The following SAMD12 variants were observed in gnomAD, a reference collection of about 807,000 sequenced individuals.
SAMD12 encodes sterile alpha motif domain-containing protein 12.
In SAMD12, 9 loss-of-function variants were observed where a neutral mutation model predicts 15.0. The observed-to-expected ratio is 0.60, with a 90% confidence interval of 0.36 to 1.05. SAMD12 has a LOEUF of 1.05. SAMD12 is among the 50% of genes least tolerant of loss of function. The pLI, the probability that SAMD12 is intolerant of heterozygous loss-of-function variation, is 0.01. For missense variants in SAMD12, 230 were observed against 234.2 expected (o/e 0.98, Z 0.12); for synonymous variants, 86 against 90.1 (o/e 0.96, Z 0.25).
At chr8:118,189,004 C>T (rs571775788), downstream of SAMD12, among the ~76,000 whole-genome samples, 19 of 152,074 alleles carry the variant, frequency 1.2e-4, no homozygotes, top group Non-Finnish European at 2.1e-4. Flanking sequence ...GCAGGAGGTG[C>T]TGGGAAATAC....
At chr8:118,153,922 C>T in the SAMD12 span, among the ~76,000 whole-genome samples, 1 of 152,108 alleles carries the variant, frequency 6.6e-6, no homozygotes, top group South Asian at 2.1e-4. Flanking sequence ...CTTTACTCTA[C>T]ATCTGAAATG....
chr8:118,251,198 G>T (rs1812812267), intron 4 of SAMD12, among the ~76,000 whole-genome samples: 1 of 152,072 alleles, frequency 6.6e-6, no homozygotes, highest in South Asian at 2.1e-4. Context: ...TGAGGGAAGT[G>T]ATCTATGATT....
intron 4 of SAMD12, among the ~76,000 whole-genome samples, chr8:118,299,347 A>G (rs1814895625): frequency 6.6e-6 from 1 of 152,164 alleles, no homozygotes; most frequent in Non-Finnish European, 1.5e-5. Context: ...AGATTCAGCA[A>G]AAGTAGTACT....
At chr8:118,178,689 C>T in the SAMD12 span, among the ~76,000 whole-genome samples, 1 of 152,132 alleles carries the variant, frequency 6.6e-6, no homozygotes, top group Non-Finnish European at 1.5e-5. Flanking sequence ...TGGTCTTGAA[C>T]TCTTGACCTC....
chr8:118,165,068 C>T, the SAMD12 span, among the ~76,000 whole-genome samples: 1 of 151,686 alleles, frequency 6.6e-6, no homozygotes, highest in Non-Finnish European at 1.5e-5. Flanking sequence ...ACTCAATTCT[C>T]ATGCTATCTG....
chr8:118,276,226 A>G (rs1227245640), intron 4 of SAMD12, among the ~76,000 whole-genome samples: 1 of 152,132 alleles, frequency 6.6e-6, no homozygotes, highest in East Asian at 1.9e-4. Context: ...ATTTCCTACT[A>G]TATTTTAGAA....
At chr8:118,155,616 A>G in the SAMD12 span, among the ~76,000 whole-genome samples, 1 of 152,236 alleles carries the variant, frequency 6.6e-6, no homozygotes, top group Non-Finnish European at 1.5e-5. Context: ...GGAGAACGCT[A>G]GGGTGCTCCT....
At position 118,341,764 on chromosome 8, in the gene SAMD12, C is replaced by T. The variant is rs369720258; in HGVS notation, c.433+37796G>A. On this transcript the variant is annotated intron_variant, in intron 4 of 4. Coordinates refer to the SAMD12 transcript ENST00000409003. ...GATTAGTGTTTTGACATATCAATTT[C>T]GGGAGGGCACAAACAGGCAGTATAT... Among the ~76,000 whole-genome samples, 38 of 152,262 alleles carry T rather than the reference C, an allele frequency of 2.5e-4. No individual in the cohort carries two copies. In the East Asian group the frequency reaches 3.7e-3, roughly 15 times the overall value.
At chr8:118,402,044 A>G (rs1294334519) in intron 3 of SAMD12, among the ~76,000 whole-genome samples, 1 of 152,194 alleles carries the variant, frequency 6.6e-6, no homozygotes, top group Non-Finnish European at 1.5e-5. Context: ...GTCTTTCCAT[A>G]AGAAAAAGGC....
intron 2 of SAMD12, among the ~76,000 whole-genome samples, chr8:118,479,404 G>C (rs569618100): frequency 8.5e-5 from 13 of 152,312 alleles, no homozygotes; most frequent in Admixed American, 8.5e-4. Flanking sequence ...AAGGTGAAAG[G>C]CACCTCTTAC....
chr8:118,507,658 A>T (rs1824957343), intron 2 of SAMD12, among the ~76,000 whole-genome samples: 1 of 152,238 alleles, frequency 6.6e-6, no homozygotes, highest in Non-Finnish European at 1.5e-5. Flanking sequence ...GTGAAAAACA[A>T]CCTAAACTTA....
the SAMD12 span, among the ~76,000 whole-genome samples, chr8:118,158,772 A>T: frequency 1.3e-5 from 2 of 152,116 alleles, no homozygotes; most frequent in Admixed American, 6.5e-5. Context: ...CACCAGACTC[A>T]GCCAGACTAG....
At chr8:118,386,881 T>C (rs1260537411) in intron 3 of SAMD12, among the ~76,000 whole-genome samples, 1 of 152,250 alleles carries the variant, frequency 6.6e-6, no homozygotes, top group Non-Finnish European at 1.5e-5. Context: ...GACCCTGTCC[T>C]ATTGGGAAAT....
intron 4 of SAMD12, among the ~76,000 whole-genome samples, chr8:118,318,310 G>GTATATATATATATA (rs55959055): frequency 8.8e-6 from 1 of 113,336 alleles, no homozygotes; most frequent in African/African-American, 3.3e-5. Context: ...AGATATATGT[G>GTATATATATATATA]TATATATATA....
At chr8:118,182,743 T>C in the SAMD12 span, among the ~76,000 whole-genome samples, 1 of 152,012 alleles carries the variant, frequency 6.6e-6, no homozygotes, top group Non-Finnish European at 1.5e-5. Flanking sequence ...AGTAACACAT[T>C]GAACAAAAAA....
At chr8:118,497,733 T>TG (rs1563895289) in intron 2 of SAMD12, among the ~76,000 whole-genome samples, 2 of 26,278 alleles carry the variant, frequency 7.6e-5, no homozygotes, top group Non-Finnish European at 1.5e-4. Context: ...CGGGGGGGGG[T>TG]GGGGGGAAAG....
At chr8:118,565,754 A>C (rs546939897) in intron 2 of SAMD12, among the ~76,000 whole-genome samples, 3 of 152,208 alleles carry the variant, frequency 2.0e-5, no homozygotes, top group South Asian at 2.1e-4. Flanking sequence ...TCTCTCTCTC[A>C]CCAGTTTTCC....
At chr8:118,210,767 A>G (rs1811796267) in intron 4 of SAMD12, among the ~76,000 whole-genome samples, 1 of 152,152 alleles carries the variant, frequency 6.6e-6, no homozygotes, top group Non-Finnish European at 1.5e-5. Context: ...CCTTCTGCCC[A>G]AATTCTACCC....
chr8:118,298,306 C>T (rs7846373), intron 4 of SAMD12, among the ~76,000 whole-genome samples: 58,754 of 152,088 alleles, frequency 0.39, 14,177 homozygotes, highest in African/African-American at 0.69. Context: ...TGTGTTTACC[C>T]TTGCATGTTA....
Sources: allele counts gnomAD v4.1 joint callset (sites outside exome capture counted in the v4.1 genomes callset), GRCh38; gene constraint gnomAD v4.1.1; transcripts MANE v1.5; gene names NCBI Gene and HGNC (gene_info 2026-07-23, HGNC 2026-07-21).